Variants in SLC4A8 observed in about 807,000 individuals in gnomAD.
SLC4A8 encodes the protein electroneutral sodium bicarbonate exchanger 1.
Under a neutral mutation model 125.0 loss-of-function variants are expected in SLC4A8, and 40 were observed. The ratio of observed to expected loss-of-function variants is 0.32; its 90% confidence interval spans 0.25 to 0.42. The LOEUF (loss-of-function observed/expected upper bound fraction) is 0.42. SLC4A8 is among the 10% of genes least tolerant of loss of function. The pLI is 1.00. For missense variants in SLC4A8, 863 were observed against 1,355.1 expected (o/e 0.64, Z 5.70); for synonymous variants, 456 against 476.0 (o/e 0.96, Z 0.55).
rs1938362614 is a variant in SLC4A8, at chr12:51,511,430, C to T, written c.*3992C>T. On this transcript the variant is annotated 3_prime_UTR_variant, in exon 25 of 25. Transcript: ENST00000453097. Reference sequence around the variant, plus strand: ...TTTGAGACAAAGTCTCACTCTGTCGCCCAGGCTGGAGTGCAGTGGTGCGAT... The same window carrying T: ...TTTGAGACAAAGTCTCACTCTGTCGTCCAGGCTGGAGTGCAGTGGTGCGAT... 6.6e-6 allele frequency: 1 copy of T among 152,188 alleles called. No individual in the cohort carries two copies. The highest frequency in any genetic ancestry group is 1.5e-5 in the Non-Finnish European group (1 of 68,050). 9.4% of individuals were successfully genotyped at this position (152,188 alleles called of 1,614,324 possible). A position where few individuals can be genotyped will look rare whatever the true frequency, so the allele number is the denominator to read the frequency against.
rs1213449498 is a variant in SLC4A8, at chr12:51,475,221, C to T, written c.2172+15C>T. The stretch of plus-strand genomic sequence containing the variant: ...TCCCAACCAGAGTAGGTAGCATGTT[C>T]ATGCATTTCTTTCACGTTAGAATCA... On this transcript the variant is annotated intron_variant, in intron 16 of 24. Transcript: ENST00000453097. The T allele has an allele frequency of 1.2e-6, 2 of 1,612,080 alleles. No individual in the cohort carries two copies. The highest frequency in any genetic ancestry group is 4.5e-5 in the East Asian group (2 of 44,894).
intron 22 of SLC4A8, among the ~76,000 whole-genome samples, chr12:51,501,191 G>A (rs751541390): frequency 4.6e-5 from 7 of 152,126 alleles, no homozygotes; most frequent in Non-Finnish European, 7.3e-5. Flanking sequence ...TAGATTCAGG[G>A]CATGTGCAGG....
chr12:51,462,610 G>A, intron 10 of SLC4A8, 154 bp downstream of exon 10: 1 of 583,418 alleles, frequency 1.7e-6, no homozygotes, highest in Non-Finnish European at 2.7e-6. Context: ...AAATGAATCT[G>A]GGCTGGGTGT....
intron 19 of SLC4A8, among the ~76,000 whole-genome samples, chr12:51,492,597 C>G (rs1951346970): frequency 6.6e-6 from 1 of 152,202 alleles, no homozygotes; most frequent in South Asian, 2.1e-4. Context: ...TTCAGTAGTT[C>G]ACAAACAACA....
chr12:51,437,927 A>G (rs1001363247), intron 1 of SLC4A8, among the ~76,000 whole-genome samples: 2 of 152,180 alleles, frequency 1.3e-5, no homozygotes, highest in Admixed American at 1.3e-4. Context: ...GAAATAATTC[A>G]GGGTCTTGTG....
intron 1 of SLC4A8, among the ~76,000 whole-genome samples, chr12:51,439,021 T>G (rs142296905): frequency 6.6e-6 from 1 of 152,316 alleles, no homozygotes; most frequent in Non-Finnish European, 1.5e-5. Context: ...GTGAGGAAGA[T>G]GGACATAGTT....
chr12:51,427,270 C>T (rs1223732315), intron 1 of SLC4A8, among the ~76,000 whole-genome samples: 4 of 152,036 alleles, frequency 2.6e-5, no homozygotes, highest in South Asian at 4.2e-4. Context: ...TCTTTGGCTG[C>T]AGTGGGGAGA....
In SLC4A8 at chr12:51,473,050, C is replaced by T. The variant is rs189195290; in HGVS notation, c.1905-1292C>T. On this transcript the variant is annotated intron_variant, in intron 14 of 24. Transcript: ENST00000453097. The stretch of plus-strand genomic sequence containing the variant: ...TACAATCAGTGAACCTACACAGACA[C>T]ATCATTGCCACCCAAAGTCCATAGA... Among the ~76,000 whole-genome samples the T allele has an allele frequency of 2.2e-3, 337 of 152,272 alleles. 2 individuals are homozygous for T. Among genetic ancestry groups the T allele is most frequent in the African/African-American group, 7.9e-3 (327 of 41,542 alleles).
At chr12:51,453,446 C>A in intron 4 of SLC4A8, 93 bp from the exon 5 acceptor site, 1 of 1,277,050 alleles carries the variant, frequency 7.8e-7, no homozygotes, top group Non-Finnish European at 1.1e-6. Flanking sequence ...TATGACTATC[C>A]AGATATCTTC....
At chr12:51,494,882 G>A in intron 20 of SLC4A8, 63 bp from the exon 21 acceptor site, 1 of 1,384,190 alleles carries the variant, frequency 7.2e-7, no homozygotes. Context: ...ATATGAATTG[G>A]TCTAACAAAG....
At chr12:51,399,973 T>C (rs1948340687) in intron 1 of SLC4A8, among the ~76,000 whole-genome samples, 1 of 146,698 alleles carries the variant, frequency 6.8e-6, no homozygotes, top group Non-Finnish European at 1.5e-5. Context: ...AGAGCAACAC[T>C]TCGTCTCAAA....
chr12:51,392,808 T>G (rs2137895957), intron 1 of SLC4A8: 1 of 152,360 alleles, frequency 6.6e-6, no homozygotes, highest in Middle Eastern at 3.4e-3. Flanking sequence ...GGGCCCGTGC[T>G]GCTCAGTGGT....
chr12:51,399,997 A>AAAC (rs1948342481), intron 1 of SLC4A8, among the ~76,000 whole-genome samples: 2 of 147,796 alleles, frequency 1.4e-5, no homozygotes, highest in Non-Finnish European at 1.5e-5. Context: ...AAAAAAAAAA[A>AAAC]AAACCATGTT....
chr12:51,515,626 C>T lies in SLC4A8; in HGVS notation c.*8188C>T, dbSNP rs1310708298. 6.6e-6 allele frequency: 1 copy of T among 152,176 alleles called. No homozygotes were observed. The highest frequency in any genetic ancestry group is 2.4e-5 in the African/African-American group (1 of 41,430). The allele number at this position is 152,176 out of a possible 1,614,324, so 9.4% of individuals were successfully genotyped here. On this transcript the variant is annotated 3_prime_UTR_variant, in exon 25 of 25. Coordinates refer to ENST00000453097, the MANE Select transcript of SLC4A8 (RefSeq NM_001039960.3). ...TTTATGGTAAGAACAAGACCCCTTT[C>T]CCTCACCACCGAGTCTCGTGGTCTG...
At chr12:51,449,346 A>G (rs1206110718) in intron 2 of SLC4A8, among the ~76,000 whole-genome samples, 1 of 151,896 alleles carries the variant, frequency 6.6e-6, no homozygotes, top group Non-Finnish European at 1.5e-5. Context: ...GATCACTTGA[A>G]CTTGGGAATT....
At chr12:51,502,835 TA>T (rs1198819364) in intron 22 of SLC4A8, among the ~76,000 whole-genome samples, 2 of 141,130 alleles carry the variant, frequency 1.4e-5, no homozygotes, top group African/African-American at 2.7e-5. Context: ...CACGCCCGAC[TA>T]ATTTTTTTTT....
chr12:51,480,638 G>A (rs539985206), intron 16 of SLC4A8: 74 of 985,220 alleles, frequency 7.5e-5, no homozygotes, highest in South Asian at 9.4e-5. Flanking sequence ...TTTGTTCATT[G>A]ATCTAAATGC....
chr12:51,418,243 C>T (rs1270916878), intron 1 of SLC4A8, among the ~76,000 whole-genome samples: 2 of 152,072 alleles, frequency 1.3e-5, no homozygotes, highest in Non-Finnish European at 2.9e-5. Flanking sequence ...CAGCCTCATT[C>T]GATGGTGAGT....
chr12:51,475,328 GC>G, intron 16 of SLC4A8, 122 bp downstream of exon 16: 1 of 869,920 alleles, frequency 1.1e-6, no homozygotes, highest in Non-Finnish European at 1.8e-6. Context: ...GTCCTGATGA[GC>G]CACACTGGCA....
Sources: gnomAD v4.1 joint callset for allele counts (sites outside exome capture counted in the v4.1 genomes callset) on GRCh38, gnomAD v4.1.1 for gene constraint, MANE v1.5 for transcripts, NCBI Gene and HGNC (gene_info 2026-07-23, HGNC 2026-07-21) for gene names.